Variants in NRIP3 observed in about 807,000 individuals in gnomAD.
NRIP3 encodes the protein nuclear receptor interacting protein 3.
In NRIP3, 31 loss-of-function variants were observed where a neutral mutation model predicts 29.0. That is an observed-to-expected ratio of 1.07 (90% CI 0.80 to 1.44). The LOEUF is 1.44. NRIP3 is among the 40% of genes most tolerant of loss of function. The pLI, the probability that NRIP3 is intolerant of heterozygous loss-of-function variation, is 0.00. For synonymous variants in NRIP3, 131 were observed against 118.3 expected, an observed-to-expected ratio of 1.11 and a Z score of -0.70; for missense variants, 314 against 297.9, an observed-to-expected ratio of 1.05 and a Z score of -0.40.
At chr11:8,990,025 G>T (rs926699137) in intron 1 of NRIP3, among the ~76,000 whole-genome samples, 9 of 152,128 alleles carry the variant, frequency 5.9e-5, no homozygotes, top group African/African-American at 2.2e-4. Context: ...ATCATTAGTG[G>T]ACAGATGAGA....
rs566970255 is a variant in NRIP3, at chr11:9,001,886, A to G, written c.174+1876T>C. Among the ~76,000 whole-genome samples the G allele has an allele frequency of 3.3e-5, 5 of 152,366 alleles. No individual in the cohort carries two copies. The South Asian group carries it at 1.0e-3, about 32-fold the overall frequency. Reference sequence around the variant, plus strand: ...TCAACTCCATGACGGTGGGGCACAGAAAGCGTGAACCATGATTCAGAGCCT... The same window carrying G: ...TCAACTCCATGACGGTGGGGCACAGGAAGCGTGAACCATGATTCAGAGCCT... On this transcript the variant is annotated intron_variant, in intron 1 of 6. Transcript: ENST00000309166.
At chr11:9,000,097 T>C (rs1178100498) in intron 1 of NRIP3, among the ~76,000 whole-genome samples, 1 of 152,200 alleles carries the variant, frequency 6.6e-6, no homozygotes, top group African/African-American at 2.4e-5. Flanking sequence ...CAATAAATAT[T>C]TGTATATTAA....
intron 1 of NRIP3, among the ~76,000 whole-genome samples, chr11:8,995,779 T>A (rs1156277505): frequency 6.6e-6 from 1 of 152,242 alleles, no homozygotes; most frequent in African/African-American, 2.4e-5. Flanking sequence ...TTTACCCTTC[T>A]CTATACAGCT....
chr11:8,988,262 C>T lies in NRIP3; in HGVS notation c.195G>A (p.Gln65=). The T allele has an allele frequency of 1.2e-6, 2 of 1,613,984 alleles. No individual in the cohort carries two copies. Among genetic ancestry groups the T allele is most frequent in the Non-Finnish European group, 1.7e-6 (2 of 1,179,890 alleles). The part of the protein sequence containing the change: ...SKDMQPHNIL[Q]RRLMETNLSK... Reference sequence around the variant, plus strand: ...ACAGGTTGGTTTCCATGAGGCGCCTCTGCAGAATATTATGAGGTTGCTTGA... The same window carrying T: ...ACAGGTTGGTTTCCATGAGGCGCCTTTGCAGAATATTATGAGGTTGCTTGA... The change falls in exon 2 of 7, where the codon CAG becomes CAA. Residue 65 remains glutamine (Q), a synonymous_variant. Coordinates refer to ENST00000309166, the MANE Select transcript of NRIP3 (RefSeq NM_020645.3).
chr11:8,998,784 A>ATTTTTT (rs767253373), intron 1 of NRIP3, among the ~76,000 whole-genome samples: 8 of 77,574 alleles, frequency 1.0e-4, no homozygotes, highest in African/African-American at 1.5e-4. Flanking sequence ...CAAACTCTTC[A>ATTTTTT]TTTTTTTTTT....
intron 3 of NRIP3, among the ~76,000 whole-genome samples, chr11:8,986,814 T>C (rs984918980): frequency 6.6e-6 from 1 of 151,516 alleles, no homozygotes; most frequent in African/African-American, 2.4e-5. Flanking sequence ...AGCCCAGGAG[T>C]TGAAAACCAT....
intron 4 of NRIP3, among the ~76,000 whole-genome samples, chr11:8,985,054 T>C (rs1739889744): frequency 6.6e-6 from 1 of 152,142 alleles, no homozygotes; most frequent in East Asian, 1.9e-4. Flanking sequence ...TTTCTCCATG[T>C]TGGTCAGGCT....
In NRIP3 at chr11:8,985,814, T is replaced by C; in HGVS notation, c.459A>G (p.Gly153=). Residue 153 remains glycine, a synonymous_variant, in exon 4 of 7, where the codon GGA becomes GGG. Transcript: ENST00000309166. ...KEHVKSHKHE[G]EKLSLPRHLK... is the part of the protein sequence containing the mutation. ...GATGCCGGGGTAGAGAAAGCTTTTC[T>C]CCTTCATGCTTGTGGGATTTGACAT... The C allele has an allele frequency of 6.2e-6, 10 of 1,614,170 alleles. No individual in the cohort carries two copies. The highest frequency in any genetic ancestry group is 8.5e-6 in the Non-Finnish European group (10 of 1,180,036).
chr11:8,997,034 C>T (rs148297677), intron 1 of NRIP3, among the ~76,000 whole-genome samples: 3,931 of 152,038 alleles, frequency 0.026, 168 homozygotes, highest in African/African-American at 0.09. Flanking sequence ...GCTATGATCA[C>T]GACACTGCAC....
upstream of NRIP3, chr11:9,004,054 A>G: frequency 9.6e-7 from 1 of 1,038,976 alleles, no homozygotes. Context: ...CGTCGCGGGG[A>G]GCAGCCAGTG....
At chr11:8,985,070 C>T (rs569083424) in intron 4 of NRIP3, among the ~76,000 whole-genome samples, 33 of 152,004 alleles carry the variant, frequency 2.2e-4, no homozygotes, top group African/African-American at 6.8e-4. Flanking sequence ...AGGCTGGTCT[C>T]GAACTCCCAA....
At chr11:8,996,830 C>A (rs4910313) in intron 1 of NRIP3, among the ~76,000 whole-genome samples, 46,585 of 151,298 alleles carry the variant, frequency 0.31, 7,411 homozygotes, top group South Asian at 0.44. Context: ...TGAGGCAGGA[C>A]TGCTTGAGGC....
intron 1 of NRIP3, among the ~76,000 whole-genome samples, chr11:8,990,868 C>T (rs1273400312): frequency 6.6e-6 from 1 of 152,156 alleles, no homozygotes; most frequent in Non-Finnish European, 1.5e-5. Context: ...TCAAGCCCTT[C>T]TCAGTCCCAC....
In NRIP3 at chr11:8,981,720, G is replaced by A. The variant is rs1160413129; in HGVS notation, c.*1825C>T. The A allele has an allele frequency of 6.6e-6, 1 of 152,224 alleles. No individual in the cohort carries two copies. Among genetic ancestry groups the A allele is most frequent in the Admixed American group, 6.5e-5 (1 of 15,270 alleles). The allele number at this position is 152,224 out of a possible 1,614,324, so 9.4% of individuals were successfully genotyped here. On this transcript the variant is annotated 3_prime_UTR_variant, in exon 7 of 7. Transcript: ENST00000309166. ...GGGTGTTGCTAGAGGGAGTGCTGAA[G>A]GCTGGTAACCCCGGGATCACCCCTC... is the stretch of plus-strand genomic sequence containing the variant.
At chr11:8,987,012 C>T (rs555287368) in intron 3 of NRIP3, among the ~76,000 whole-genome samples, 24 of 152,260 alleles carry the variant, frequency 1.6e-4, no homozygotes, top group African/African-American at 3.4e-4. Context: ...AGTGAGGCTC[C>T]GCCACACAAA....
chr11:9,004,035 C>T (rs1285279673), upstream of NRIP3: 2 of 1,188,388 alleles, frequency 1.7e-6, no homozygotes, highest in Middle Eastern at 3.1e-4. Flanking sequence ...CTTTTATAGC[C>T]GAGCGTGACG....
upstream of NRIP3, chr11:9,004,039 C>T (rs1032383368): frequency 2.6e-6 from 3 of 1,167,738 alleles, no homozygotes; most frequent in Non-Finnish European, 2.2e-6. Flanking sequence ...TATAGCCGAG[C>T]GTGACGTCGC....
chr11:9,003,799 AG>A lies in NRIP3; in HGVS notation c.136del (p.Leu46TrpfsTer54). 2 of 1,506,474 alleles carry A rather than the reference AG, an allele frequency of 1.3e-6. No individual in the cohort carries two copies. The highest frequency in any genetic ancestry group is 8.9e-7 in the Non-Finnish European group (1 of 1,125,762). 93.3% of individuals were successfully genotyped at this position (1,506,474 alleles called of 1,614,324 possible). On this transcript the variant is annotated frameshift_variant, in exon 1 of 7. Transcript: ENST00000309166. LOFTEE classifies it high-confidence loss of function. The part of the protein sequence containing the change: ...IHKDSADLLP[L>X]DGLKKLGSSK... ...CGAGCCCAGCTTCTTGAGGCCGTCCAGGGGCAGCAGGTCGGCGGAGTCCTTG... is the reference window on the plus strand; with the variant it reads ...CGAGCCCAGCTTCTTGAGGCCGTCCAGGGCAGCAGGTCGGCGGAGTCCTTG...
chr11:8,985,994 T>C, intron 3 of NRIP3, 144 bp from the exon 4 acceptor site: 1 of 925,232 alleles, frequency 1.1e-6, no homozygotes, highest in Non-Finnish European at 1.7e-6. Flanking sequence ...ATCCTACATA[T>C]GTTGTTCCAG....
Sources: allele counts gnomAD v4.1 joint callset (sites outside exome capture counted in the v4.1 genomes callset), GRCh38; gene constraint gnomAD v4.1.1; transcripts MANE v1.5; gene names NCBI Gene and HGNC (gene_info 2026-07-23, HGNC 2026-07-21).